Variants in NACC2 observed in about 807,000 individuals in gnomAD.
NACC2 encodes NACC family member 2, also known as nucleus accumbens-associated protein 2.
In NACC2, 8 loss-of-function variants were observed where a neutral mutation model predicts 25.1. The ratio of observed to expected loss-of-function variants is 0.32; its 90% confidence interval spans 0.19 to 0.57. The LOEUF (loss-of-function observed/expected upper bound fraction) is 0.57. NACC2 is among the 20% of genes least tolerant of loss of function. NACC2 has a pLI of 0.89. For missense variants in NACC2, 644 were observed against 650.2 expected, an observed-to-expected ratio of 0.99 and a Z score of 0.10; for synonymous variants, 435 against 294.7, an observed-to-expected ratio of 1.48 and a Z score of -4.88.
intron 2 of NACC2, 145 bp downstream of exon 2, chr9:136,049,491 G>A (rs1260340999): frequency 3.5e-5 from 21 of 598,878 alleles, no homozygotes; most frequent in Non-Finnish European, 5.1e-5. Context: ...ATGGTGAACA[G>A]AGCTCTGCCA....
intron 1 of NACC2, among the ~76,000 whole-genome samples, chr9:136,090,232 G>T (rs1307897067): frequency 6.6e-6 from 1 of 152,228 alleles, no homozygotes; most frequent in Non-Finnish European, 1.5e-5. Context: ...CTGGGTGGGG[G>T]CCCTGGCCAG....
At chr9:136,048,943 C>T (rs1321570046) in intron 2 of NACC2, among the ~76,000 whole-genome samples, 2 of 152,262 alleles carry the variant, frequency 1.3e-5, no homozygotes, top group Admixed American at 1.3e-4. Flanking sequence ...GCCCTGCATG[C>T]AGACCAGCCA....
At chr9:136,056,453 G>A (rs1840926204) in intron 1 of NACC2, among the ~76,000 whole-genome samples, 2 of 152,200 alleles carry the variant, frequency 1.3e-5, no homozygotes, top group African/African-American at 4.8e-5. Flanking sequence ...AGGCAGCGGG[G>A]CCAGGCCCCT....
At chr9:136,017,620 C>T (rs116563828) in intron 2 of NACC2, among the ~76,000 whole-genome samples, 3,009 of 152,168 alleles carry the variant, frequency 0.02, 99 homozygotes, top group African/African-American at 0.068. Context: ...CTCCCCTGAG[C>T]GGGCCCCCGG....
intron 1 of NACC2, among the ~76,000 whole-genome samples, chr9:136,091,832 TA>T (rs60751608): frequency 2.0e-5 from 3 of 148,730 alleles, no homozygotes; most frequent in African/African-American, 2.5e-5. Context: ...AGGATTTGCT[TA>T]AAAAAAAAAC....
At position 136,022,705 on chromosome 9, in the gene NACC2, T is replaced by G. The variant is rs938327468; in HGVS notation, c.887-6276A>C. Among the ~76,000 whole-genome samples, 2 of 152,058 alleles carry G rather than the reference T, an allele frequency of 1.3e-5. No homozygotes were observed. Among genetic ancestry groups the G allele is most frequent in the African/African-American group, 4.8e-5 (2 of 41,406 alleles). ...CGCCTAACACACAGGGCCCATCAAC[T>G]ACCAGTGCTGGCTGGGGCAGTGCCT... On this transcript the variant is annotated intron_variant, in intron 2 of 5. Coordinates refer to ENST00000277554, the MANE Select transcript of NACC2 (RefSeq NM_144653.5). This position sits in a 1 kb window ranked among gnomAD's most constrained non-coding sequence, Gnocchi z 4.4.
intron 2 of NACC2, among the ~76,000 whole-genome samples, chr9:136,036,324 T>C (rs1192450071): frequency 6.6e-6 from 1 of 151,998 alleles, no homozygotes; most frequent in Non-Finnish European, 1.5e-5. Flanking sequence ...TGCTCAACAA[T>C]GTAACAATTA....
intron 5 of NACC2, among the ~76,000 whole-genome samples, chr9:136,012,295 A>G (rs559789615): frequency 6.6e-6 from 1 of 152,364 alleles, no homozygotes; most frequent in African/African-American, 2.4e-5. Flanking sequence ...TGTGAGGCTC[A>G]GGCCTGTTTT....
rs1840915398 is a variant in NACC2, at chr9:136,055,792, TC to T, written c.-59-5213del. ...GGGAAACGTTCTGCGGAGGGGAGAG[TC>T]CCTCTACCCCGAGCCCCGGCCCCTG... On this transcript the variant is annotated intron_variant, in intron 1 of 5. Coordinates refer to ENST00000277554, the MANE Select transcript of NACC2 (RefSeq NM_144653.5). This position sits in a 1 kb window ranked among gnomAD's most constrained non-coding sequence, Gnocchi z 4.9. Among the ~76,000 whole-genome samples the T allele has an allele frequency of 6.8e-6, 1 of 148,064 alleles. No homozygotes were observed. The highest frequency in any genetic ancestry group is 2.0e-4 in the East Asian group (1 of 5,024).
At chr9:136,041,613 G>C (rs1267713362) in intron 2 of NACC2, among the ~76,000 whole-genome samples, 2 of 152,140 alleles carry the variant, frequency 1.3e-5, no homozygotes, top group East Asian at 3.8e-4. Flanking sequence ...CGGGGAAATA[G>C]AAATATCTGC....
rs962913198 is a variant in NACC2, at chr9:136,084,394, T to C, written c.-60+10795A>G. On this transcript the variant is annotated intron_variant, in intron 1 of 5. Coordinates refer to ENST00000277554, the MANE Select transcript of NACC2 (RefSeq NM_144653.5). The surrounding 1 kb of genome is among the most constrained non-coding windows in gnomAD (Gnocchi z 5.1). ...GAGACTCATCCATCACACAGACACC[T>C]CCTACGCAATGTCCGGTCTCCGCTG... Among the ~76,000 whole-genome samples, 3 of 151,930 alleles carry C rather than the reference T, an allele frequency of 2.0e-5. No homozygotes were observed. Among genetic ancestry groups the C allele is most frequent in the Non-Finnish European group, 4.4e-5 (3 of 67,998 alleles).
At chr9:136,026,957 A>G (rs1273964344) in intron 2 of NACC2, among the ~76,000 whole-genome samples, 1 of 152,228 alleles carries the variant, frequency 6.6e-6, no homozygotes, top group African/African-American at 2.4e-5. Flanking sequence ...GGCCGGGTGC[A>G]GTAGCTCATG....
At chr9:136,089,966 A>G (rs1438331526) in intron 1 of NACC2, among the ~76,000 whole-genome samples, 1 of 148,432 alleles carries the variant, frequency 6.7e-6, no homozygotes, top group Non-Finnish European at 1.5e-5. Flanking sequence ...ATCTTCTCTC[A>G]CCCTAATGGA....
In NACC2 at chr9:136,018,262, C is replaced by A. The variant is rs1480633848; in HGVS notation, c.887-1833G>T. 1.3e-5 allele frequency among the ~76,000 whole-genome samples: 2 copies of A among 151,854 alleles called. No individual in the cohort carries two copies. The highest frequency in any genetic ancestry group is 2.9e-5 in the Non-Finnish European group (2 of 67,918). On this transcript the variant is annotated intron_variant, in intron 2 of 5. Transcript: ENST00000277554. This position sits in a 1 kb window ranked among gnomAD's most constrained non-coding sequence, Gnocchi z 4.4. ...CTACAGGGGTGGCTGAGCCTCGGGGCGTGGGGGGGCTGCCAAGGGGGCTGC... is the reference window on the plus strand; with the variant it reads ...CTACAGGGGTGGCTGAGCCTCGGGGAGTGGGGGGGCTGCCAAGGGGGCTGC...
intron 2 of NACC2, among the ~76,000 whole-genome samples, chr9:136,024,155 A>AGTGT (rs71507095): frequency 1.7e-4 from 21 of 123,628 alleles, no homozygotes; most frequent in Admixed American, 3.9e-4. Context: ...GTGGGGACAG[A>AGTGT]GTGTGTGTGT....
chr9:136,050,751 C>A (rs1054110322), intron 1 of NACC2, among the ~76,000 whole-genome samples, 171 bp from the exon 2 acceptor site: 1 of 152,108 alleles, frequency 6.6e-6, no homozygotes, highest in Admixed American at 6.5e-5. Context: ...GACACGGGGT[C>A]TCCCAGACCC....
At chr9:136,067,552 G>A (rs966925649) in intron 1 of NACC2, among the ~76,000 whole-genome samples, 5 of 151,898 alleles carry the variant, frequency 3.3e-5, no homozygotes, top group Non-Finnish European at 5.9e-5. Flanking sequence ...AACGATGCTC[G>A]ATGGGCCGGG....
At chr9:136,074,217 G>C (rs112625863) in intron 1 of NACC2, among the ~76,000 whole-genome samples, 1 of 149,490 alleles carries the variant, frequency 6.7e-6, no homozygotes, top group Admixed American at 6.7e-5. Flanking sequence ...TTGGGAGGCC[G>C]AGGAGGGCAG....
chr9:136,072,200 T>C (rs1218385199), intron 1 of NACC2, among the ~76,000 whole-genome samples: 1 of 151,096 alleles, frequency 6.6e-6, no homozygotes, highest in African/African-American at 2.4e-5. Context: ...ATCGTGCCAT[T>C]GCACTCTAGC....
Sources: allele counts gnomAD v4.1 joint callset (sites outside exome capture counted in the v4.1 genomes callset), GRCh38; gene constraint gnomAD v4.1.1; non-coding constraint Gnocchi (gnomAD v3.1); transcripts MANE v1.5; gene names NCBI Gene and HGNC (gene_info 2026-07-23, HGNC 2026-07-21).